The following STYK1 variants were observed in gnomAD, a reference collection of about 807,000 sequenced individuals.
The protein encoded by STYK1 is tyrosine-protein kinase STYK1.
In STYK1, 46 loss-of-function variants were observed where a neutral mutation model predicts 48.1. The observed-to-expected ratio is 0.96, with a 90% CI of 0.75 to 1.22. STYK1 has a LOEUF of 1.22. Among genes scored for constraint, STYK1 ranks in the 50% most tolerant of loss-of-function variants. The pLI, the probability that STYK1 is intolerant of heterozygous loss-of-function variation, is 0.00. For missense variants in STYK1, 527 were observed against 521.1 expected, an observed-to-expected ratio of 1.01 and a Z score of -0.11; for synonymous variants, 188 against 189.0, an observed-to-expected ratio of 0.99 and a Z score of 0.04.
chr12:10,643,253 T>G (rs368628649), intron 1 of STYK1, among the ~76,000 whole-genome samples: 3 of 152,342 alleles, frequency 2.0e-5, no homozygotes, highest in South Asian at 4.1e-4. Flanking sequence ...CTCTGATTAC[T>G]GAGCTCTTGC....
chr12:10,661,645 G>A (rs866639103), intron 1 of STYK1, among the ~76,000 whole-genome samples: 3 of 152,256 alleles, frequency 2.0e-5, no homozygotes, highest in African/African-American at 7.2e-5. Context: ...CAAATATTTA[G>A]TCATTTAATT....
intron 1 of STYK1, among the ~76,000 whole-genome samples, chr12:10,652,932 A>G (rs1403691673): frequency 6.6e-6 from 1 of 152,168 alleles, no homozygotes; most frequent in African/African-American, 2.4e-5. Context: ...ATTATTTCTC[A>G]ATGGAAAGTT....
intron 1 of STYK1, among the ~76,000 whole-genome samples, chr12:10,662,668 A>C (rs1223788632): frequency 6.6e-6 from 1 of 152,210 alleles, no homozygotes; most frequent in Admixed American, 6.5e-5. Flanking sequence ...TTCTTTGAAG[A>C]AATGTACATT....
chr12:10,656,971 A>G (rs1947725964), intron 1 of STYK1, among the ~76,000 whole-genome samples: 1 of 152,216 alleles, frequency 6.6e-6, no homozygotes, highest in Non-Finnish European at 1.5e-5. Context: ...TAGGTAGGAA[A>G]CATACTTTTA....
intron 1 of STYK1, among the ~76,000 whole-genome samples, chr12:10,669,298 A>AC (rs1278039851): frequency 6.6e-6 from 1 of 152,210 alleles, no homozygotes; most frequent in Non-Finnish European, 1.5e-5. Context: ...TATAGCAAGT[A>AC]CATGGTACCC....
intron 1 of STYK1, among the ~76,000 whole-genome samples, chr12:10,643,004 G>A (rs187149117): frequency 4.6e-5 from 7 of 151,924 alleles, no homozygotes; most frequent in Admixed American, 6.6e-5. Flanking sequence ...CAATTCTGAC[G>A]GGGGCATTAC....
intron 1 of STYK1, among the ~76,000 whole-genome samples, chr12:10,666,727 T>C (rs1374786109): frequency 6.6e-6 from 1 of 152,226 alleles, no homozygotes; most frequent in Non-Finnish European, 1.5e-5. Context: ...GATGGTTTTA[T>C]AAGGGGCTCT....
chr12:10,631,724 G>A (rs1197479782), intron 4 of STYK1, among the ~76,000 whole-genome samples: 1 of 152,092 alleles, frequency 6.6e-6, no homozygotes, highest in Non-Finnish European at 1.5e-5. Flanking sequence ...TTGGAGGAAA[G>A]GTATGGATAA....
At chr12:10,631,359 G>A (rs1031547828) in intron 4 of STYK1, 51 bp from the exon 5 acceptor site, 13 of 1,591,770 alleles carry the variant, frequency 8.2e-6, no homozygotes, top group Middle Eastern at 1.7e-4. Context: ...TGGGGATCCC[G>A]GAAAGCAGAC....
chr12:10,653,198 G>A (rs966924340), intron 1 of STYK1, among the ~76,000 whole-genome samples: 8 of 151,682 alleles, frequency 5.3e-5, no homozygotes, highest in Non-Finnish European at 8.8e-5. Flanking sequence ...TCAGCCTCCC[G>A]AGTAGCTGGG....
chr12:10,654,562 G>T (rs1947697618), intron 1 of STYK1, among the ~76,000 whole-genome samples: 1 of 152,140 alleles, frequency 6.6e-6, no homozygotes, highest in Non-Finnish European at 1.5e-5. Flanking sequence ...TAAGGGGCGG[G>T]GTATGTTTTG....
Position 10,624,761 on chromosome 12 carries a change from C to G in STYK1, c.816G>C (p.Leu272=), listed in dbSNP as rs780510980. The stretch of plus-strand genomic sequence containing the variant: ...CCCCTCGGGTGTAAACTTCATAAGC[C>G]AGGCCTAATCCACAGAGCTTAGCAG... ...DLTAKLCGLG[L]AYEVYTRGAI... Residue 272 remains leucine (L), a synonymous_variant, in exon 8 of 11, where the codon CTG becomes CTC. Transcript: ENST00000075503. 2 of 1,613,978 alleles carry G rather than the reference C, an allele frequency of 1.2e-6. No individual in the cohort carries two copies. The highest frequency in any genetic ancestry group is 2.7e-5 in the African/African-American group (2 of 74,884).
At chr12:10,637,606 G>T (rs111799295) in intron 1 of STYK1, among the ~76,000 whole-genome samples, 10 of 152,108 alleles carry the variant, frequency 6.6e-5, no homozygotes, top group African/African-American at 2.4e-4. Flanking sequence ...CTCCCAAAGT[G>T]CTGGGATTAC....
Position 10,634,095 on chromosome 12 carries a change from T to C in STYK1, c.82A>G (p.Ile28Val), listed in dbSNP as rs1591682501. The change falls in exon 4 of 11, where the codon ATC (isoleucine) becomes GTC (valine). Residue 28 changes from isoleucine (I) to valine (V), a missense_variant. Coordinates refer to ENST00000075503, the MANE Select transcript of STYK1 (RefSeq NM_018423.3). Reference sequence around the variant, plus strand: ...ATAGTAACCAACAAAGTTGGGACGATAATCACTTCATACTGCTTCTCCTGG... The same window carrying C: ...ATAGTAACCAACAAAGTTGGGACGACAATCACTTCATACTGCTTCTCCTGG... ...VIQEKQYEVI[I>V]VPTLLVTIFL... is the part of the protein sequence containing the mutation. 1.2e-6 allele frequency: 2 copies of C among 1,614,040 alleles called. No homozygotes were observed. The highest frequency in any genetic ancestry group is 1.7e-6 in the Non-Finnish European group (2 of 1,180,030).
chr12:10,637,880 A>C (rs931401632), intron 1 of STYK1, among the ~76,000 whole-genome samples: 1 of 151,996 alleles, frequency 6.6e-6, no homozygotes, highest in Non-Finnish European at 1.5e-5. Flanking sequence ...AATGCCAAAA[A>C]CCTCTAGGAT....
chr12:10,630,967 A>T (rs567382718), intron 5 of STYK1, 78 bp downstream of exon 5: 601 of 1,534,708 alleles, frequency 3.9e-4, no homozygotes, highest in Non-Finnish European at 5.2e-4. Flanking sequence ...ACTATCTGTT[A>T]GTTAACATCT....
intron 1 of STYK1, among the ~76,000 whole-genome samples, chr12:10,642,647 C>G (rs1947557908): frequency 6.6e-6 from 1 of 152,172 alleles, no homozygotes; most frequent in African/African-American, 2.4e-5. Context: ...TAAGTATACT[C>G]TATGCACAGA....
chr12:10,654,138 G>T (rs1947692284), intron 1 of STYK1, among the ~76,000 whole-genome samples: 1 of 152,196 alleles, frequency 6.6e-6, no homozygotes, highest in Non-Finnish European at 1.5e-5. Flanking sequence ...CCAGTGTCCT[G>T]ACAGTTTACA....
intron 1 of STYK1, among the ~76,000 whole-genome samples, chr12:10,644,713 T>C (rs192660421): frequency 3.7e-4 from 57 of 152,214 alleles, no homozygotes; most frequent in African/African-American, 1.3e-3. Context: ...ACAGTGGTTG[T>C]AGAAGGTAAG....
Sources: gnomAD v4.1 joint callset for allele counts (sites outside exome capture counted in the v4.1 genomes callset) on GRCh38, gnomAD v4.1.1 for gene constraint, MANE v1.5 for transcripts, NCBI Gene and HGNC (gene_info 2026-07-23, HGNC 2026-07-21) for gene names.